SPDL1: variants seen among roughly 807,000 people sequenced by gnomAD.
SPDL1 encodes the protein protein Spindly.
Under a neutral mutation model 79.5 loss-of-function variants are expected in SPDL1, and 85 were observed. The ratio of observed to expected loss-of-function variants is 1.07; its 90% CI spans 0.90 to 1.28. The LOEUF (loss-of-function observed/expected upper bound fraction) is 1.28, where lower values mean the gene tolerates loss of function less well. Among genes scored for constraint, SPDL1 ranks in the 50% most tolerant of loss-of-function variants. SPDL1 has a pLI of 0.00. For synonymous variants in SPDL1, 269 were observed against 240.3 expected (o/e 1.12, Z -1.10); for missense variants, 703 against 697.8 (o/e 1.01, Z -0.08).
Position 169,604,399 on chromosome 5 carries a change from C to T in SPDL1, c.*192C>T. 1 of 395,250 alleles carries T rather than the reference C, an allele frequency of 2.5e-6. No individual in the cohort carries two copies. Among genetic ancestry groups the T allele is most frequent in the Non-Finnish European group, 4.5e-6 (1 of 223,812 alleles). The allele number at this position is 395,250 out of a possible 1,614,324, so 24.5% of individuals were successfully genotyped here. ...AACCTGGAGAGCTTCTTAAGTGATG[C>T]CCCTTCATGGAGCTTCTATGACAGT... On this transcript the variant is annotated 3_prime_UTR_variant, in exon 12 of 12. Coordinates refer to ENST00000265295, the MANE Select transcript of SPDL1 (RefSeq NM_017785.5).
At position 169,602,701 on chromosome 5, in the gene SPDL1, A is replaced by G. The variant is rs140228535; in HGVS notation, c.1670+1076A>G. Among the ~76,000 whole-genome samples the G allele has an allele frequency of 1.7e-3, 265 of 152,332 alleles. 1 individual carries two copies. The highest frequency in any genetic ancestry group is 5.9e-3 in the African/African-American group (246 of 41,584). ...AACAATGTTAGCTGCTATTATTATA[A>G]GGCATAGTAATTTTATTACTCCCTC... On this transcript the variant is annotated intron_variant, in intron 11 of 11. Transcript: ENST00000265295.
chr5:169,591,096 A>C lies in SPDL1; in HGVS notation c.208A>C (p.Ser70Arg). The C allele has an allele frequency of 6.2e-7, 1 of 1,614,046 alleles. No homozygotes were observed. The highest frequency in any genetic ancestry group is 2.2e-5 in the East Asian group (1 of 44,838). ...YTLQREVELK[S>R]RMLESLSCEC... is the part of the protein sequence containing the mutation. ...CCTTCAAAGAGAAGTTGAACTCAAG[A>C]GTCGAATGTTAGAAAGTTTGAGCTG... Residue 70 changes from serine to arginine, a missense_variant, in exon 3 of 12, where the codon AGT becomes CGT. By Grantham distance (110) the Ser-to-Arg change is moderately radical. Coordinates refer to ENST00000265295, the MANE Select transcript of SPDL1 (RefSeq NM_017785.5).
chr5:169,587,740 A>G (rs1441684163), intron 1 of SPDL1, among the ~76,000 whole-genome samples: 1 of 152,118 alleles, frequency 6.6e-6, no homozygotes, highest in East Asian at 1.9e-4. Flanking sequence ...TATTATTGTT[A>G]TTATCATTAT....
chr5:169,590,213 G>C (rs528386533), intron 2 of SPDL1, among the ~76,000 whole-genome samples: 5 of 152,278 alleles, frequency 3.3e-5, no homozygotes, highest in Non-Finnish European at 7.4e-5. Flanking sequence ...AATATCTGTA[G>C]CAGGTAAAAA....
intron 11 of SPDL1, chr5:169,602,068 G>A: frequency 5.1e-6 from 1 of 197,350 alleles, no homozygotes; most frequent in Non-Finnish European, 1.0e-5. Context: ...CTTATCCTAG[G>A]CATTCAAAAA....
chr5:169,597,760 A>G (rs1279001588), intron 8 of SPDL1, among the ~76,000 whole-genome samples: 4 of 152,202 alleles, frequency 2.6e-5, no homozygotes, highest in Non-Finnish European at 4.4e-5. Flanking sequence ...AGCCATTAGT[A>G]TGTCATAAAA....
chr5:169,592,017 A>C (rs1755312337), intron 3 of SPDL1, among the ~76,000 whole-genome samples: 1 of 152,160 alleles, frequency 6.6e-6, no homozygotes, highest in Non-Finnish European at 1.5e-5. Context: ...TGACTTTTCC[A>C]GACACTGTCT....
At position 169,591,204 on chromosome 5, in the gene SPDL1, G is replaced by T; in HGVS notation, c.316G>T (p.Val106Leu). Residue 106 changes from valine (V) to leucine (L), a missense_variant, in exon 3 of 12, where the codon GTG (valine) becomes TTG (leucine). Val to Leu is a conservative substitution (Grantham distance 32). Coordinates refer to ENST00000265295, the MANE Select transcript of SPDL1 (RefSeq NM_017785.5). ...EQLSRSHGQE[V>L]NELKTKIEKL... is the part of the protein sequence containing the mutation. ...ACTAAGCAGAAGCCATGGACAGGAA[G>T]TGAATGAACTAAAAACTAAGGTTGG... The T allele has an allele frequency of 1.2e-6, 2 of 1,613,196 alleles. No individual in the cohort carries two copies. The highest frequency in any genetic ancestry group is 2.2e-5 in the East Asian group (1 of 44,816).
In SPDL1 at chr5:169,601,545, G is replaced by A. The variant is rs145472277; in HGVS notation, c.1590G>A (p.Lys530=). The change falls in exon 11 of 12, where the codon AAG becomes AAA. Residue 530 remains lysine, a synonymous_variant. Coordinates refer to ENST00000265295, the MANE Select transcript of SPDL1 (RefSeq NM_017785.5). The stretch of plus-strand genomic sequence containing the variant: ...TGGATATGCAGCTGAAGAAGGAAAA[G>A]AAATGTGTGAAACTCATAGGAGTTC... ...LPVDMQLKKE[K]KCVKLIGVPA... The A allele has an allele frequency of 1.2e-6, 2 of 1,614,062 alleles. No homozygotes were observed. The highest frequency in any genetic ancestry group is 3.3e-5 in the Admixed American group (2 of 60,000).
intron 9 of SPDL1, 53 bp from the exon 10 acceptor site, chr5:169,598,919 A>G (rs983738858): frequency 2.7e-6 from 4 of 1,494,882 alleles, no homozygotes; most frequent in African/African-American, 2.8e-5. Flanking sequence ...ATACCACTAC[A>G]CTTATTATAT....
chr5:169,588,110 G>A, intron 1 of SPDL1, among the ~76,000 whole-genome samples: 1 of 152,266 alleles, frequency 6.6e-6, no homozygotes, highest in East Asian at 1.9e-4. Flanking sequence ...TGGAAGCTTA[G>A]CATACAACAA....
At chr5:169,599,882 C>T (rs369074437) in intron 10 of SPDL1, among the ~76,000 whole-genome samples, 2 of 152,052 alleles carry the variant, frequency 1.3e-5, no homozygotes, top group Non-Finnish European at 2.9e-5. Flanking sequence ...TTGAGATTTG[C>T]TTGGGCAATA....
chr5:169,588,388 T>A lies in SPDL1; in HGVS notation c.-23-6T>A. ...GCTTAAGTAGTTTTATTTCCTCTAT[T>A]TACAGTTGGCTAAAAAAAAGAAAAG... is the stretch of plus-strand genomic sequence containing the variant. On this transcript the variant is annotated splice_region_variant and splice_polypyrimidine_tract_variant and intron_variant, in intron 1 of 11. Coordinates refer to ENST00000265295, the MANE Select transcript of SPDL1 (RefSeq NM_017785.5). The A allele has an allele frequency of 2.5e-6, 4 of 1,582,390 alleles. No individual in the cohort carries two copies. The highest frequency in any genetic ancestry group is 3.4e-6 in the Non-Finnish European group (4 of 1,168,046).
chr5:169,598,627 A>T (rs750488764), intron 9 of SPDL1, 48 bp downstream of exon 9: 1 of 1,438,026 alleles, frequency 7.0e-7, no homozygotes, highest in African/African-American at 1.4e-5. Context: ...TCACTTGCTT[A>T]CTATGGTAGT....
intron 2 of SPDL1, 189 bp downstream of exon 2, chr5:169,588,764 TC>T (rs1755119825): frequency 2.2e-6 from 1 of 448,124 alleles, no homozygotes; most frequent in African/African-American, 2.0e-5. Context: ...CCTAGTGTAT[TC>T]AGAGTTTGAA....
intron 10 of SPDL1, 79 bp from the exon 11 acceptor site, chr5:169,601,201 A>G (rs1484047818): frequency 2.4e-6 from 3 of 1,273,728 alleles, no homozygotes. Flanking sequence ...GTATACATAT[A>G]ACTAGTTCTG....
intron 2 of SPDL1, among the ~76,000 whole-genome samples, chr5:169,589,335 G>A (rs530009140): frequency 3.3e-5 from 5 of 152,208 alleles, no homozygotes; most frequent in East Asian, 3.9e-4. Flanking sequence ...TTCACTCAGC[G>A]TCTAAGTGGT....
chr5:169,601,374 C>T lies in SPDL1; in HGVS notation c.1419C>T (p.Leu473=), dbSNP rs564700884. ...AKDACVNNSA[L]GGEVYRLPPQ... is the part of the protein sequence containing the mutation. ...ATGCATGTGTCAACAACAGTGCTCT[C>T]GGGGGAGAAGTTTATCGATTACCGC... Residue 473 remains leucine (L), a synonymous_variant, in exon 11 of 12, where the codon CTC becomes CTT. Coordinates refer to ENST00000265295, the MANE Select transcript of SPDL1 (RefSeq NM_017785.5). 9.9e-6 allele frequency: 16 copies of T among 1,613,976 alleles called. No individual in the cohort carries two copies. Among genetic ancestry groups the T allele is most frequent in the South Asian group, 7.7e-5 (7 of 91,058 alleles).
At chr5:169,589,714 T>C (rs963274331) in intron 2 of SPDL1, among the ~76,000 whole-genome samples, 13 of 152,036 alleles carry the variant, frequency 8.6e-5, no homozygotes, top group African/African-American at 2.7e-4. Context: ...TTTCTTTTTT[T>C]TTTTTGAAAC....
Sources: gnomAD v4.1 joint callset for allele counts (sites outside exome capture counted in the v4.1 genomes callset) on GRCh38, gnomAD v4.1.1 for gene constraint, MANE v1.5 for transcripts, NCBI Gene and HGNC (gene_info 2026-07-23, HGNC 2026-07-21) for gene names.